Variants in DMD observed in about 807,000 individuals in gnomAD.
DMD encodes mutant dystrophin.
Under a neutral mutation model 330.1 loss-of-function variants are expected in DMD, and 63 were observed. The ratio of observed to expected loss-of-function variants is 0.19; its 90% CI spans 0.16 to 0.24. The LOEUF (loss-of-function observed/expected upper bound fraction) is 0.24, where lower values mean the gene tolerates loss of function less well. DMD is among the 10% of genes least tolerant of loss of function. DMD has a pLI of 1.00. For synonymous variants in DMD, 1,223 were observed against 959.8 expected (o/e 1.27, Z -5.07); for missense variants, 3,344 against 2,684.1 (o/e 1.25, Z -5.43).
chrX:31,488,554 ATTATT>A (rs1240944174), intron 57 of DMD, among the ~76,000 whole-genome samples: 1 of 111,970 alleles, frequency 8.9e-6, no homozygotes, highest in Non-Finnish European at 1.9e-5. Context: ...TGGCAACATC[ATTATT>A]TTATTTGTTC....
At chrX:32,867,492 C>T (rs1316358480) in intron 2 of DMD, among the ~76,000 whole-genome samples, 1 of 111,724 alleles carries the variant, frequency 9.0e-6, no homozygotes, top group East Asian at 2.8e-4. Context: ...TTAATAGGTA[C>T]CTGACATTTC....
At chrX:31,509,492 A>G (rs1344232045) in intron 55 of DMD, among the ~76,000 whole-genome samples, 1 of 71,592 alleles carries the variant, frequency 1.4e-5, no homozygotes, top group Admixed American at 1.3e-4. Flanking sequence ...TGTTCAAGTA[A>G]AAGTATTCTC....
At chrX:32,228,112 G>T (rs1388350121) in intron 43 of DMD, among the ~76,000 whole-genome samples, 4 of 111,440 alleles carry the variant, frequency 3.6e-5, no homozygotes, top group Non-Finnish European at 5.7e-5. Flanking sequence ...AAATATCCTT[G>T]AGATAAATTG....
chrX:31,306,029 A>G (rs924671962), intron 62 of DMD, among the ~76,000 whole-genome samples: 11 of 112,237 alleles, frequency 9.8e-5, no homozygotes, highest in Admixed American at 8.6e-4. Flanking sequence ...GAACTACCTT[A>G]AAAGATAATC....
chrX:32,346,855 C>T (rs1223734765), intron 38 of DMD, among the ~76,000 whole-genome samples: 4 of 111,495 alleles, frequency 3.6e-5, no homozygotes, highest in Non-Finnish European at 3.8e-5. Context: ...AATATAGTCG[C>T]ATATATGACC....
At chrX:32,672,196 G>T (rs1399468110) in intron 9 of DMD, among the ~76,000 whole-genome samples, 2 of 111,102 alleles carry the variant, frequency 1.8e-5, no homozygotes, top group East Asian at 2.8e-4. Flanking sequence ...TGATTCATCA[G>T]TAATAGCCTA....
At chrX:32,531,639 C>A (rs2047486931) in intron 17 of DMD, among the ~76,000 whole-genome samples, 2 of 111,331 alleles carry the variant, frequency 1.8e-5, no homozygotes, top group South Asian at 7.4e-4. Context: ...TGAAGATCTT[C>A]ATTTAGTTTC....
chrX:31,735,425 A>C (rs751945053), intron 51 of DMD, among the ~76,000 whole-genome samples: 7 of 111,733 alleles, frequency 6.3e-5, no homozygotes, highest in Non-Finnish European at 1.1e-4. Flanking sequence ...TCAGCTCTTC[A>C]GTTCCATGTA....
intron 60 of DMD, among the ~76,000 whole-genome samples, chrX:31,381,891 C>A (rs1046145049): frequency 8.9e-6 from 1 of 111,792 alleles, no homozygotes; most frequent in Admixed American, 9.5e-5. Context: ...CCCTTCCCCA[C>A]ACATCAAGTT....
chrX:31,174,215 T>C (rs1368200668), intron 71 of DMD, among the ~76,000 whole-genome samples: 1 of 111,565 alleles, frequency 9.0e-6, no homozygotes, highest in Non-Finnish European at 1.9e-5. Context: ...TGGATTATAT[T>C]GTGAGGTTTT....
intron 30 of DMD, among the ~76,000 whole-genome samples, chrX:32,397,958 G>A (rs1228989981): frequency 9.0e-6 from 1 of 111,038 alleles, no homozygotes; most frequent in Admixed American, 9.6e-5. Context: ...ACTTCATGTT[G>A]AGACTACTGA....
chrX:31,522,359 C>CTATATA lies in DMD; in HGVS notation c.8218-14907_8218-14906insTATATA, dbSNP rs1163138588. Among the ~76,000 whole-genome samples, 37 of 53,989 alleles carry CTATATA rather than the reference C, an allele frequency of 6.9e-4. 1 individual carries two copies. Among genetic ancestry groups the CTATATA allele is most frequent in the Admixed American group, 2.1e-3 (9 of 4,274 alleles). 46.9% of individuals were successfully genotyped at this position (53,989 alleles called of 115,157 possible). ...TCTCTCTCTCTCTCTCTCTCTCTCT[C>CTATATA]TCTCTATATATATATATATATATAT... On this transcript the variant is annotated intron_variant, in intron 55 of 78. Transcript: ENST00000357033.
intron 44 of DMD, among the ~76,000 whole-genome samples, chrX:31,991,365 A>T (rs771236136): frequency 5.4e-5 from 6 of 111,261 alleles, no homozygotes; most frequent in Admixed American, 1.9e-4. Flanking sequence ...AGGTACTATG[A>T]CTTTTATCTA....
intron 11 of DMD, among the ~76,000 whole-genome samples, chrX:32,629,086 G>T (rs1266875169): frequency 2.7e-5 from 3 of 111,625 alleles, no homozygotes; most frequent in African/African-American, 9.8e-5. Flanking sequence ...ATGTCTGGAT[G>T]ATCTATCTGG....
At chrX:32,664,577 G>T (rs971747434) in intron 9 of DMD, among the ~76,000 whole-genome samples, 1 of 111,902 alleles carries the variant, frequency 8.9e-6, no homozygotes, top group African/African-American at 3.3e-5. Flanking sequence ...AACATCAGGT[G>T]TGAGAAAGAA....
Position 32,472,318 on chromosome X carries a change from A to G in DMD, c.2804-9T>C, listed in dbSNP as rs756053444. 4.6e-5 allele frequency: 55 copies of G among 1,206,860 alleles called. No homozygotes were observed. Among genetic ancestry groups the G allele is most frequent in the Non-Finnish European group, 5.9e-5 (53 of 892,850 alleles). ...TGGCAAAGTGTCAAAAACTTTATCA[A>G]AAGGGAAAAAAGAATGAGAATCACT... On this transcript the variant is annotated splice_polypyrimidine_tract_variant and intron_variant, in intron 21 of 78. Coordinates refer to ENST00000357033, the MANE Select transcript of DMD (RefSeq NM_004006.3).
At chrX:32,856,707 C>T (rs1174827027) in intron 2 of DMD, among the ~76,000 whole-genome samples, 1 of 111,151 alleles carries the variant, frequency 9.0e-6, no homozygotes, top group African/African-American at 3.3e-5. Context: ...TTAGTGGGTA[C>T]AAAAATCTAG....
intron 62 of DMD, among the ~76,000 whole-genome samples, chrX:31,278,758 T>G (rs1009448784): frequency 1.1e-4 from 12 of 111,891 alleles, no homozygotes; most frequent in Middle Eastern, 4.2e-3. Context: ...AAGTCCTTGC[T>G]AGTGTGCTCA....
intron 1 of DMD, among the ~76,000 whole-genome samples, chrX:33,022,736 C>T (rs1474359614): frequency 9.0e-6 from 1 of 111,386 alleles, no homozygotes; most frequent in East Asian, 2.8e-4. Context: ...TTTTCTGAAT[C>T]AAAGTCCATG....
Sources: allele counts gnomAD v4.1 joint callset (sites outside exome capture counted in the v4.1 genomes callset), GRCh38; gene constraint gnomAD v4.1.1; transcripts MANE v1.5; gene names NCBI Gene and HGNC (gene_info 2026-07-23, HGNC 2026-07-21).